Variants in SDAD1 observed in about 807,000 individuals in gnomAD.
SDAD1 encodes the protein SDA1 domain containing 1.
A neutral mutation model predicts 100.3 loss-of-function variants in SDAD1; 79 were observed. That is an observed-to-expected ratio of 0.79 (90% CI 0.66 to 0.95). The LOEUF is 0.95. SDAD1 is among the 40% of genes least tolerant of loss of function. SDAD1 has a pLI of 0.00. For missense variants in SDAD1, 790 were observed against 810.9 expected (o/e 0.97, Z 0.31); for synonymous variants, 267 against 271.4 (o/e 0.98, Z 0.16).
intron 9 of SDAD1, among the ~76,000 whole-genome samples, chr4:75,970,738 C>T (rs1352495650): frequency 6.6e-6 from 1 of 152,186 alleles, no homozygotes; most frequent in Non-Finnish European, 1.5e-5. Context: ...CTCATAGGGG[C>T]AGTTTTCCCC....
chr4:75,962,531 C>G (rs1205563656), intron 14 of SDAD1, among the ~76,000 whole-genome samples: 1 of 152,182 alleles, frequency 6.6e-6, no homozygotes, highest in Non-Finnish European at 1.5e-5. Flanking sequence ...TAAAAGTGTT[C>G]CTATTTCTCC....
intron 16 of SDAD1, among the ~76,000 whole-genome samples, chr4:75,960,766 G>A (rs969933734): frequency 4.6e-5 from 7 of 152,120 alleles, no homozygotes; most frequent in African/African-American, 9.7e-5. Context: ...TTGAGATTCC[G>A]ATCTGTTAAT....
At chr4:75,953,745 C>T (rs946311348) in intron 21 of SDAD1, among the ~76,000 whole-genome samples, 1 of 152,362 alleles carries the variant, frequency 6.6e-6, no homozygotes, top group Middle Eastern at 3.4e-3. Flanking sequence ...TTTAGGAACA[C>T]TGATTCACAA....
In SDAD1 at chr4:75,957,918, T is replaced by G; in HGVS notation, c.1507A>C (p.Ser503Arg). The change falls in exon 18 of 22, where the codon AGT becomes CGT. Residue 503 changes from serine (S) to arginine (R), a missense_variant. Ser to Arg is a moderately radical substitution (Grantham distance 110). Transcript: ENST00000356260. ...DEDGWESTSLSEEEDADGEWI... is the reference protein window; with the variant it reads ...DEDGWESTSLREEEDADGEWI... ...TCACCATCAGCATCCTCCTCCTCAC[T>G]GAGACTGGTACTTTCCCATCCATCT... is the stretch of plus-strand genomic sequence containing the variant. 1 of 1,612,926 alleles carries G rather than the reference T, an allele frequency of 6.2e-7. No individual in the cohort carries two copies.
rs529286411 is a variant in SDAD1 at position 75,987,493 on chromosome 4, G to A, written c.90+3259C>T. On this transcript the variant is annotated intron_variant, in intron 1 of 21. Transcript: ENST00000356260. ...CAGGGTAGCCAATGACATCCATGTCGCTAATTTTTTTTTGTTTTGTTTTTC... is the reference window on the plus strand; with the variant it reads ...CAGGGTAGCCAATGACATCCATGTCACTAATTTTTTTTTGTTTTGTTTTTC... 9.8e-4 allele frequency among the ~76,000 whole-genome samples: 149 copies of A among 152,000 alleles called. 4 individuals are homozygous for A. The South Asian group carries it at 0.029, about 29-fold the overall frequency.
At chr4:75,978,400 G>T (rs1208160708) in intron 3 of SDAD1, among the ~76,000 whole-genome samples, 2 of 143,386 alleles carry the variant, frequency 1.4e-5, no homozygotes, top group African/African-American at 2.6e-5. Flanking sequence ...GTCTCATTAT[G>T]TTGCCTAGGC....
chr4:75,985,426 G>A (rs1448614342), intron 1 of SDAD1, among the ~76,000 whole-genome samples: 1 of 152,100 alleles, frequency 6.6e-6, no homozygotes, highest in Non-Finnish European at 1.5e-5. Flanking sequence ...GCTACTTCCA[G>A]AGCACTCATA....
At chr4:75,981,134 T>C (rs1481668461) in intron 3 of SDAD1, among the ~76,000 whole-genome samples, 1 of 152,178 alleles carries the variant, frequency 6.6e-6, no homozygotes, top group East Asian at 1.9e-4. Context: ...GAAAACAATA[T>C]GATATCAGAA....
In SDAD1 at chr4:75,961,087, T is replaced by C; in HGVS notation, c.1297A>G (p.Arg433Gly). 1 of 1,614,100 alleles carries C rather than the reference T, an allele frequency of 6.2e-7. No individual in the cohort carries two copies. The highest frequency in any genetic ancestry group is 1.7e-5 in the Admixed American group (1 of 60,028). The change falls in exon 16 of 22, where the codon AGA becomes GGA. Residue 433 changes from arginine (R) to glycine (G), a missense_variant. By Grantham distance (125) the Arg-to-Gly change is moderately radical. Coordinates refer to ENST00000356260, the MANE Select transcript of SDAD1 (RefSeq NM_018115.4). The stretch of plus-strand genomic sequence containing the variant: ...GTTCGGAAGAGGTGAATCAAAGTTC[T>C]AGCAGACATCATTACATCTGTAAAA... Reference protein sequence around the residue: ...HKDKNVMMSARTLIHLFRTLN... With the variant: ...HKDKNVMMSAGTLIHLFRTLN...
At chr4:75,982,600 G>A (rs1730601543) in intron 1 of SDAD1, among the ~76,000 whole-genome samples, 1 of 152,068 alleles carries the variant, frequency 6.6e-6, no homozygotes. Flanking sequence ...AGTGAGCTAT[G>A]ATCATGCCAC....
At position 75,965,755 on chromosome 4, in the gene SDAD1, G is replaced by A. The variant is rs756386167; in HGVS notation, c.1104+9C>T. ...CCCTAGGTCCAGAAGTCAGGTTACAGGTTCTCACCTCTGGGGGTACTAGGT... is the reference window on the plus strand; with the variant it reads ...CCCTAGGTCCAGAAGTCAGGTTACAAGTTCTCACCTCTGGGGGTACTAGGT... On this transcript the variant is annotated intron_variant, in intron 13 of 21. Transcript: ENST00000356260. 6.2e-7 allele frequency: 1 copy of A among 1,612,092 alleles called. No individual in the cohort carries two copies. The highest frequency in any genetic ancestry group is 2.2e-5 in the East Asian group (1 of 44,864).
At position 75,961,100 on chromosome 4, in the gene SDAD1, T is replaced by C; in HGVS notation, c.1284A>G (p.Val428=). ...GAATCAAAGTTCTAGCAGACATCAT[T>C]ACATCTGTAAAATAATACTTTTAAT... The part of the protein sequence containing the change: ...AQYKTHKDKN[V]MMSARTLIHL... The change falls in exon 16 of 22, where the codon GTA becomes GTG. Residue 428 remains valine (V), a synonymous_variant. Coordinates refer to ENST00000356260, the MANE Select transcript of SDAD1 (RefSeq NM_018115.4). 2 of 1,613,938 alleles carry C rather than the reference T, an allele frequency of 1.2e-6. No individual in the cohort carries two copies. Among genetic ancestry groups the C allele is most frequent in the Non-Finnish European group, 8.5e-7 (1 of 1,179,790 alleles).
chr4:75,972,402 C>CAA (rs112522370), intron 8 of SDAD1, among the ~76,000 whole-genome samples: 53 of 122,102 alleles, frequency 4.3e-4, no homozygotes, highest in African/African-American at 1.4e-3. Context: ...TCCGCGGCTC[C>CAA]AAAAAAAAAA....
intron 1 of SDAD1, among the ~76,000 whole-genome samples, chr4:75,984,778 A>AAACACACACAC (rs1730780809): frequency 7.3e-6 from 1 of 136,928 alleles, no homozygotes; most frequent in African/African-American, 2.7e-5. Context: ...CACACACACA[A>AAACACACACAC]ACACACACAC....
intron 1 of SDAD1, among the ~76,000 whole-genome samples, chr4:75,988,572 A>T (rs1731039945): frequency 6.6e-6 from 1 of 152,134 alleles, no homozygotes; most frequent in Non-Finnish European, 1.5e-5. Context: ...ACTTTTCATT[A>T]TTTAACATAC....
chr4:75,956,502 T>G (rs1578113217), intron 20 of SDAD1, among the ~76,000 whole-genome samples: 1 of 142,296 alleles, frequency 7.0e-6, no homozygotes. Context: ...CACACAAAGG[T>G]GTGGAGGAGA....
intron 21 of SDAD1, among the ~76,000 whole-genome samples, chr4:75,954,538 T>C (rs1728784334): frequency 6.6e-6 from 1 of 152,068 alleles, no homozygotes. Flanking sequence ...CCGGGTGTGG[T>C]GGCAGACGCC....
Position 75,961,116 on chromosome 4 carries a change from T to C in SDAD1, c.1280-12A>G. 1 of 1,613,028 alleles carries C rather than the reference T, an allele frequency of 6.2e-7. No individual in the cohort carries two copies. The highest frequency in any genetic ancestry group is 1.1e-5 in the South Asian group (1 of 91,046). On this transcript the variant is annotated splice_polypyrimidine_tract_variant and intron_variant, in intron 15 of 21. Coordinates refer to ENST00000356260, the MANE Select transcript of SDAD1 (RefSeq NM_018115.4). ...AGACATCATTACATCTGTAAAATAA[T>C]ACTTTTAATTAGAAATTCTGGCCCA...
chr4:75,981,341 C>T (rs1345462266), intron 3 of SDAD1, 31 bp downstream of exon 3: 1 of 1,603,110 alleles, frequency 6.2e-7, no homozygotes, highest in African/African-American at 1.3e-5. Context: ...ATGAACACAG[C>T]ACAATTTATT....
Sources: gnomAD v4.1 joint callset for allele counts (sites outside exome capture counted in the v4.1 genomes callset) on GRCh38, gnomAD v4.1.1 for gene constraint, MANE v1.5 for transcripts, NCBI Gene and HGNC (gene_info 2026-07-23, HGNC 2026-07-21) for gene names.